Variants in ZMAT4 observed in about 807,000 individuals in gnomAD.
ZMAT4 encodes zinc finger matrin-type protein 4.
A neutral mutation model predicts 28.7 loss-of-function variants in ZMAT4; 17 were observed. That is an observed-to-expected ratio of 0.59 (90% confidence interval 0.41 to 0.89). ZMAT4 has a LOEUF of 0.89. Among genes scored for constraint, ZMAT4 ranks in the 40% least tolerant of loss-of-function variants. The pLI, the probability that ZMAT4 is intolerant of heterozygous loss-of-function variation, is 0.00. For missense variants in ZMAT4, 240 were observed against 283.8 expected, an observed-to-expected ratio of 0.85 and a Z score of 1.11; for synonymous variants, 117 against 109.2, an observed-to-expected ratio of 1.07 and a Z score of -0.44.
intron 6 of ZMAT4, among the ~76,000 whole-genome samples, chr8:40,537,766 A>G (rs1315247352): frequency 6.6e-6 from 1 of 152,228 alleles, no homozygotes; most frequent in Admixed American, 6.5e-5. Flanking sequence ...GAGGTCGAAC[A>G]TCATCATTTT....
intron 3 of ZMAT4, among the ~76,000 whole-genome samples, chr8:40,765,076 C>T (rs1260527045): frequency 1.3e-5 from 2 of 152,118 alleles, no homozygotes; most frequent in African/African-American, 2.4e-5. Flanking sequence ...TTAAGTGTTC[C>T]TCTTGCCAGC....
At chr8:40,537,595 G>T (rs1244735031) in intron 6 of ZMAT4, among the ~76,000 whole-genome samples, 1 of 152,148 alleles carries the variant, frequency 6.6e-6, no homozygotes, top group African/African-American at 2.4e-5. Context: ...ATATGCAAAT[G>T]ACCACTCCTG....
In ZMAT4 at chr8:40,692,241, C is replaced by T. The variant is rs144158630; in HGVS notation, c.349+5004G>A. 6.5e-3 allele frequency among the ~76,000 whole-genome samples: 994 copies of T among 152,256 alleles called. 4 individuals carry two copies. Among genetic ancestry groups the T allele is most frequent in the African/African-American group, 0.021 (858 of 41,532 alleles). Reference sequence around the variant, plus strand: ...CCATCCAGCCTTGTTACTGAAGACACACATAACCCTAGGGCCACTTCAAAC... The same window carrying T: ...CCATCCAGCCTTGTTACTGAAGACATACATAACCCTAGGGCCACTTCAAAC... On this transcript the variant is annotated intron_variant, in intron 4 of 6. Transcript: ENST00000297737.
intron 2 of ZMAT4, among the ~76,000 whole-genome samples, chr8:40,807,018 T>C (rs944424622): frequency 1.3e-5 from 2 of 151,454 alleles, no homozygotes; most frequent in Non-Finnish European, 2.9e-5. Context: ...TTAACCAGTG[T>C]ATCTTTCTGT....
chr8:40,839,699 G>A (rs1198229644), intron 1 of ZMAT4, among the ~76,000 whole-genome samples: 2 of 152,200 alleles, frequency 1.3e-5, no homozygotes, highest in East Asian at 3.8e-4. Flanking sequence ...AGTGAAACAT[G>A]CCAGGCACAG....
At chr8:40,810,077 T>C (rs1197382710) in intron 2 of ZMAT4, among the ~76,000 whole-genome samples, 2 of 152,002 alleles carry the variant, frequency 1.3e-5, no homozygotes, top group African/African-American at 2.4e-5. Flanking sequence ...AATATATATA[T>C]ACACACACAT....
At chr8:40,827,738 C>T (rs1816121272) in intron 1 of ZMAT4, among the ~76,000 whole-genome samples, 1 of 152,256 alleles carries the variant, frequency 6.6e-6, no homozygotes, top group South Asian at 2.1e-4. Context: ...CCACACCTGG[C>T]AGGTGGCCCA....
chr8:40,805,940 TA>T lies in ZMAT4; in HGVS notation c.102+19634del, dbSNP rs200267126. 1.6e-3 allele frequency among the ~76,000 whole-genome samples: 232 copies of T among 147,426 alleles called. 2 individuals carry two copies. Among genetic ancestry groups the T allele is most frequent in the Admixed American group, 3.4e-4 (5 of 14,760 alleles). Reference sequence around the variant, plus strand: ...TGTACCCTAAAACTTAAAGTATAATTAAAAAAAAAAGTTTTCACAAGAACAA... The same window carrying T: ...TGTACCCTAAAACTTAAAGTATAATTAAAAAAAAAGTTTTCACAAGAACAA... On this transcript the variant is annotated intron_variant, in intron 2 of 6. Transcript: ENST00000297737.
chr8:40,850,570 C>T (rs1339141853), intron 1 of ZMAT4, among the ~76,000 whole-genome samples: 1 of 152,258 alleles, frequency 6.6e-6, no homozygotes, highest in South Asian at 2.1e-4. Flanking sequence ...ATAGCTGTAT[C>T]CCCACTGACA....
At chr8:40,547,920 T>C (rs954788401) in intron 6 of ZMAT4, among the ~76,000 whole-genome samples, 11 of 152,174 alleles carry the variant, frequency 7.2e-5, no homozygotes, top group African/African-American at 2.7e-4. Flanking sequence ...TTATGAAGGA[T>C]GCGGAAGCAG....
chr8:40,770,582 C>T (rs1813349808), intron 2 of ZMAT4, among the ~76,000 whole-genome samples: 1 of 119,994 alleles, frequency 8.3e-6, no homozygotes. Context: ...GAGTCTCGTT[C>T]TGTCGCCCAG....
In ZMAT4 at chr8:40,886,514, C is replaced by G. The variant is rs145527990; in HGVS notation, c.-5+11169G>C. ...TGTCACCTTGGTGAGTCTTGGTTTT[C>G]TCATCTGTAAAACCAGGGTGATGAC... On this transcript the variant is annotated intron_variant, in intron 1 of 6. Coordinates refer to ENST00000297737, the MANE Select transcript of ZMAT4 (RefSeq NM_024645.3). Among the ~76,000 whole-genome samples the G allele has an allele frequency of 7.2e-5, 11 of 152,314 alleles. No individual in the cohort carries two copies. In the East Asian group the frequency reaches 2.1e-3, roughly 29 times the overall value.
At chr8:40,557,973 T>C (rs1364942176) in intron 6 of ZMAT4, among the ~76,000 whole-genome samples, 1 of 151,560 alleles carries the variant, frequency 6.6e-6, no homozygotes, top group Non-Finnish European at 1.5e-5. Context: ...AACACTGAGG[T>C]GAAATTTGAG....
At chr8:40,561,437 A>G (rs1330758418) in intron 6 of ZMAT4, among the ~76,000 whole-genome samples, 2 of 152,134 alleles carry the variant, frequency 1.3e-5, no homozygotes, top group Non-Finnish European at 2.9e-5. Context: ...CAGGGCTCAC[A>G]GCTTCCACAT....
At chr8:40,548,160 G>A (rs1803259395) in intron 6 of ZMAT4, among the ~76,000 whole-genome samples, 1 of 152,204 alleles carries the variant, frequency 6.6e-6, no homozygotes, top group Admixed American at 6.5e-5. Context: ...ACATTTAGGT[G>A]TAGGAAGGAC....
intron 1 of ZMAT4, among the ~76,000 whole-genome samples, chr8:40,890,735 C>T (rs1260363979): frequency 2.0e-5 from 3 of 152,156 alleles, no homozygotes; most frequent in Admixed American, 6.5e-5. Context: ...CACCCACAAC[C>T]CTACCTCCCC....
chr8:40,560,548 C>A (rs923530507), intron 6 of ZMAT4, among the ~76,000 whole-genome samples: 1 of 151,702 alleles, frequency 6.6e-6, no homozygotes, highest in Non-Finnish European at 1.5e-5. Context: ...TTTTGAGATT[C>A]AAAATGGAGT....
At chr8:40,728,793 C>T (rs567595761) in intron 3 of ZMAT4, among the ~76,000 whole-genome samples, 283 of 152,278 alleles carry the variant, frequency 1.9e-3, no homozygotes, top group African/African-American at 6.5e-3. Context: ...CAGAACAAGA[C>T]GCCAACCATT....
chr8:40,593,888 C>T (rs959073051), intron 5 of ZMAT4, among the ~76,000 whole-genome samples: 4 of 152,146 alleles, frequency 2.6e-5, no homozygotes, highest in East Asian at 3.9e-4. Flanking sequence ...GGAGACACAT[C>T]GCTTACAGCA....
Sources: allele counts gnomAD v4.1 joint callset (sites outside exome capture counted in the v4.1 genomes callset), GRCh38; gene constraint gnomAD v4.1.1; transcripts MANE v1.5; gene names NCBI Gene and HGNC (gene_info 2026-07-23, HGNC 2026-07-21).